MTHFD2L: variants seen among roughly 807,000 people sequenced by gnomAD.
MTHFD2L encodes the protein methylenetetrahydrofolate dehydrogenase (NADP+ dependent) 2 like, also known as bifunctional methylenetetrahydrofolate dehydrogenase/cyclohydrolase 2, mitochondrial.
Under a neutral mutation model 34.9 loss-of-function variants are expected in MTHFD2L, and 29 were observed. The ratio of observed to expected loss-of-function variants is 0.83; its 90% CI spans 0.62 to 1.13. The LOEUF (loss-of-function observed/expected upper bound fraction) is 1.13. MTHFD2L is among the 50% of genes most tolerant of loss of function. The pLI is 0.00. For synonymous variants in MTHFD2L, 167 were observed against 155.7 expected, an observed-to-expected ratio of 1.07 and a Z score of -0.54; for missense variants, 481 against 446.5, an observed-to-expected ratio of 1.08 and a Z score of -0.70.
intron 6 of MTHFD2L, among the ~76,000 whole-genome samples, chr4:74,232,549 G>A (rs1209982889): frequency 6.6e-6 from 1 of 152,040 alleles, no homozygotes; most frequent in East Asian, 1.9e-4. Context: ...AGTGAGCTTT[G>A]TCAATACCTG....
At chr4:74,230,021 G>A (rs539687305) in intron 6 of MTHFD2L, among the ~76,000 whole-genome samples, 1 of 152,196 alleles carries the variant, frequency 6.6e-6, no homozygotes, top group East Asian at 1.9e-4. Flanking sequence ...GTAAATGTGA[G>A]CTGTGTTGAT....
intron 6 of MTHFD2L, among the ~76,000 whole-genome samples, chr4:74,249,890 C>G (rs1743060767): frequency 1.3e-5 from 2 of 152,160 alleles, no homozygotes; most frequent in African/African-American, 4.8e-5. Flanking sequence ...GTAACCCGAC[C>G]TTTCTTTCTG....
At chr4:74,241,593 C>T (rs1017895188) in intron 6 of MTHFD2L, 4 of 447,060 alleles carry the variant, frequency 8.9e-6, no homozygotes, top group African/African-American at 2.0e-5. Context: ...TGCCCAGGAC[C>T]TCTCCAACTC....
At chr4:74,143,476 A>C in intron 1 of MTHFD2L, 3 of 983,410 alleles carry the variant, frequency 3.1e-6, no homozygotes, top group Non-Finnish European at 3.6e-6. Context: ...GGGTATGTGG[A>C]ACTGTCTCAG....
At chr4:74,206,547 A>G (rs1372025676) in intron 5 of MTHFD2L, among the ~76,000 whole-genome samples, 2 of 152,166 alleles carry the variant, frequency 1.3e-5, no homozygotes, top group Non-Finnish European at 2.9e-5. Context: ...TTTAAGGCTA[A>G]GGAAAGTCTT....
At chr4:74,251,794 TG>T (rs1743346698) in intron 6 of MTHFD2L, among the ~76,000 whole-genome samples, 3 of 152,314 alleles carry the variant, frequency 2.0e-5, no homozygotes, top group Middle Eastern at 3.4e-3. Flanking sequence ...AAACAGACCA[TG>T]TAATTTTCTC....
intron 7 of MTHFD2L, among the ~76,000 whole-genome samples, chr4:74,291,825 A>G (rs1049217195): frequency 2.6e-5 from 4 of 152,200 alleles, no homozygotes; most frequent in Non-Finnish European, 5.9e-5. Flanking sequence ...GATTACAAAG[A>G]ATCAAATTAA....
intron 1 of MTHFD2L, among the ~76,000 whole-genome samples, chr4:74,146,527 C>T (rs1723605054): frequency 6.6e-6 from 1 of 152,146 alleles, no homozygotes; most frequent in East Asian, 1.9e-4. Context: ...CCCCTCTTCC[C>T]AAGAACCTGG....
At chr4:74,245,478 A>G (rs534871141) in intron 6 of MTHFD2L, among the ~76,000 whole-genome samples, 8 of 138,912 alleles carry the variant, frequency 5.8e-5, no homozygotes, top group East Asian at 2.1e-4. Context: ...TGGATTTTCA[A>G]TAATTTTTTT....
chr4:74,210,681 T>A (rs888559275), intron 5 of MTHFD2L, among the ~76,000 whole-genome samples: 2 of 152,208 alleles, frequency 1.3e-5, no homozygotes, highest in African/African-American at 4.8e-5. Context: ...ACGGGCTTTT[T>A]GTTGGTTCCA....
chr4:74,210,941 T>C (rs922869147), intron 5 of MTHFD2L, among the ~76,000 whole-genome samples: 1 of 152,208 alleles, frequency 6.6e-6, no homozygotes, highest in Non-Finnish European at 1.5e-5. Context: ...TTATTCTCTT[T>C]GAAGCAATTG....
At chr4:74,261,467 A>T (rs1744675075) in intron 6 of MTHFD2L, among the ~76,000 whole-genome samples, 2 of 152,100 alleles carry the variant, frequency 1.3e-5, no homozygotes, top group African/African-American at 4.8e-5. Flanking sequence ...AATCAAAGGG[A>T]AAAGTCTGAG....
At chr4:74,168,645 TAGG>T (rs896648772) in intron 1 of MTHFD2L, among the ~76,000 whole-genome samples, 23 of 152,334 alleles carry the variant, frequency 1.5e-4, no homozygotes, top group African/African-American at 5.3e-4. Flanking sequence ...TTTCAGCACA[TAGG>T]AGACTTTCAA....
intron 6 of MTHFD2L, among the ~76,000 whole-genome samples, chr4:74,247,392 G>A (rs1742630618): frequency 6.6e-6 from 1 of 151,386 alleles, no homozygotes; most frequent in Non-Finnish European, 1.5e-5. Flanking sequence ...GAGACAATGG[G>A]GTTTTCTAGA....
chr4:74,156,975 G>A (rs1233738459), upstream of MTHFD2L: 1 of 152,024 alleles, frequency 6.6e-6, no homozygotes, highest in East Asian at 1.9e-4. Flanking sequence ...AATGTTTTGC[G>A]AATATTTTCT....
chr4:74,258,256 A>G (rs907270912), intron 6 of MTHFD2L, among the ~76,000 whole-genome samples: 6 of 152,184 alleles, frequency 3.9e-5, no homozygotes, highest in Non-Finnish European at 7.4e-5. Flanking sequence ...TGAAATCAGT[A>G]TCTTGAAGAG....
At chr4:74,200,385 G>T (rs1734227457) in intron 4 of MTHFD2L, among the ~76,000 whole-genome samples, 1 of 152,052 alleles carries the variant, frequency 6.6e-6, no homozygotes. Context: ...GCATTAGCCA[G>T]ATTATAGATA....
At chr4:74,190,585 TAG>T (rs1335219048) in intron 3 of MTHFD2L, 1 of 892,422 alleles carries the variant, frequency 1.1e-6, no homozygotes, top group Non-Finnish European at 1.3e-6. Flanking sequence ...TCAGCGAGGT[TAG>T]AGTGTGTTCC....
At position 74,225,319 on chromosome 4, in the gene MTHFD2L, A is replaced by G. The variant is rs753768408; in HGVS notation, c.730A>G (p.Ile244Val). 5 of 1,612,546 alleles carry G rather than the reference A, an allele frequency of 3.1e-6. No individual in the cohort carries two copies. The highest frequency in any genetic ancestry group is 3.4e-6 in the Non-Finnish European group (4 of 1,178,962). ...TATTCCAGGTGATGCAACTGTGACA[A>G]TAGCTCACAGATACACCCCCAAAGA... Reference protein sequence around the residue: ...ERPGGDATVTIAHRYTPKEQL... With the variant: ...ERPGGDATVTVAHRYTPKEQL... Residue 244 changes from isoleucine to valine, a missense_variant, in exon 6 of 8, where the codon ATA (isoleucine) becomes GTA (valine). Ile to Val is a conservative substitution (Grantham distance 29). Transcript: ENST00000325278.
Sources: gnomAD v4.1 joint callset for allele counts (sites outside exome capture counted in the v4.1 genomes callset) on GRCh38, gnomAD v4.1.1 for gene constraint, MANE v1.5 for transcripts, NCBI Gene and HGNC (gene_info 2026-07-23, HGNC 2026-07-21) for gene names.